The following ZNF251 variants were observed in gnomAD, a reference collection of about 807,000 sequenced individuals.
The protein encoded by ZNF251 is zinc finger protein 251.
In ZNF251, 14 loss-of-function variants were observed where a neutral mutation model predicts 13.5. That is an observed-to-expected ratio of 1.04 (90% CI 0.69 to 1.63). The LOEUF is 1.63. Ranked by LOEUF, ZNF251 falls within the 40% of genes most tolerant of loss-of-function variation. The pLI is 0.00. For synonymous variants in ZNF251, 287 were observed against 295.2 expected, an observed-to-expected ratio of 0.97 and a Z score of 0.28; for missense variants, 764 against 834.9, an observed-to-expected ratio of 0.92 and a Z score of 1.05.
Position 144,744,009 on chromosome 8 carries a change from CTTTTT to C in ZNF251, c.277+9669_277+9673del, listed in dbSNP as rs1168495446. ...GGACTGTTTCTCATTCTCTCGTTGT[CTTTTT>C]TTTTTTTTTTTTTTTTGGAGATGGA... is the stretch of plus-strand genomic sequence containing the variant. On this transcript the variant is annotated intron_variant, in intron 4 of 4. Transcript: ENST00000292562. Among the ~76,000 whole-genome samples, 9 of 88,826 alleles carry C rather than the reference CTTTTT, an allele frequency of 1.0e-4. No homozygotes were observed. In the South Asian group the frequency reaches 1.1e-3, roughly 11 times the overall value. The allele number at this position is 88,826 out of a possible 152,430, so 58.3% of individuals were successfully genotyped here. A position where few individuals can be genotyped will look rare whatever the true frequency, so the allele number is the denominator to read the frequency against.
At position 144,754,250 on chromosome 8, in the gene ZNF251, C is replaced by A; in HGVS notation, c.105G>T (p.Gln35His). Residue 35 changes from glutamine to histidine, a missense_variant, in exon 3 of 5, where the codon CAG (glutamine) becomes CAT (histidine). Transcript: ENST00000292562. ...TCACATCCCGGTAGAGCGCCCGCTG[C>A]TGGGGGCCCAGCTGCCGCCCCTCCG... ...SQAEGRQLGP[Q>H]QRALYRDVML... 1 of 1,614,004 alleles carries A rather than the reference C, an allele frequency of 6.2e-7. No homozygotes were observed. The highest frequency in any genetic ancestry group is 8.5e-7 in the Non-Finnish European group (1 of 1,179,964).
At chr8:144,731,346 A>T (rs770891141) in intron 4 of ZNF251, among the ~76,000 whole-genome samples, 1 of 152,204 alleles carries the variant, frequency 6.6e-6, no homozygotes, top group African/African-American at 2.4e-5. Context: ...TCAATGGTAT[A>T]CTGTGTACCG....
chr8:144,728,390 G>T (rs2730060), intron 4 of ZNF251, among the ~76,000 whole-genome samples: 1 of 152,094 alleles, frequency 6.6e-6, no homozygotes, highest in African/African-American at 2.4e-5. Flanking sequence ...GAGGCCAGGC[G>T]CAGTAGCTCA....
chr8:144,729,819 C>A (rs978123017), intron 4 of ZNF251, among the ~76,000 whole-genome samples: 3 of 152,124 alleles, frequency 2.0e-5, no homozygotes, highest in African/African-American at 7.2e-5. Flanking sequence ...TGAGACCGCA[C>A]CTCCGCACTC....
At chr8:144,743,720 G>C (rs1431778894) in intron 4 of ZNF251, among the ~76,000 whole-genome samples, 5 of 152,144 alleles carry the variant, frequency 3.3e-5, no homozygotes, top group Admixed American at 3.3e-4. Flanking sequence ...GCCAGCACTG[G>C]GGGTTATCAG....
chr8:144,742,632 G>T (rs1227730264), intron 4 of ZNF251, among the ~76,000 whole-genome samples: 1 of 152,092 alleles, frequency 6.6e-6, no homozygotes, highest in Admixed American at 6.6e-5. Flanking sequence ...CTGCAGTACT[G>T]TACAGACTAG....
chr8:144,753,887 A>G, intron 3 of ZNF251, 91 bp from the exon 4 acceptor site: 1 of 978,320 alleles, frequency 1.0e-6, no homozygotes, highest in Non-Finnish European at 1.5e-6. Flanking sequence ...GCACGTGTGT[A>G]CGCCTGCACG....
chr8:144,751,502 A>G (rs957913813), intron 4 of ZNF251, among the ~76,000 whole-genome samples: 1 of 152,218 alleles, frequency 6.6e-6, no homozygotes, highest in African/African-American at 2.4e-5. Context: ...CTGTAAGTAA[A>G]CTGTGGAAAC....
In ZNF251 at chr8:144,754,646, T is replaced by C; in HGVS notation, c.33+50A>G. 2.5e-6 allele frequency: 4 copies of C among 1,573,738 alleles called. No homozygotes were observed. The South Asian group carries it at 4.8e-5, about 19-fold the overall frequency. On this transcript the variant is annotated intron_variant, in intron 2 of 4. Transcript: ENST00000292562. ...GCTCCAGAGGAGAGTAGCTTCTGAC[T>C]GGGATGGGGATGAAGATGAAGAGGT... is the stretch of plus-strand genomic sequence containing the variant.
At chr8:144,726,985 T>C (rs1823537496) in intron 4 of ZNF251, among the ~76,000 whole-genome samples, 1 of 152,146 alleles carries the variant, frequency 6.6e-6, no homozygotes, top group Non-Finnish European at 1.5e-5. Context: ...GCCCAGGAGT[T>C]TGACATTAGT....
intron 4 of ZNF251, among the ~76,000 whole-genome samples, chr8:144,731,693 T>A (rs2129956178): frequency 6.6e-6 from 1 of 152,192 alleles, no homozygotes; most frequent in African/African-American, 2.4e-5. Context: ...TTCAAGCAAC[T>A]CTCCTGCCTC....
chr8:144,732,929 T>C (rs765763400), intron 4 of ZNF251, among the ~76,000 whole-genome samples: 2 of 150,598 alleles, frequency 1.3e-5, no homozygotes, highest in African/African-American at 2.4e-5. Flanking sequence ...ATGTAATAAA[T>C]TGTTGATAAA....
chr8:144,732,678 GGCA>G (rs571748846), intron 4 of ZNF251, among the ~76,000 whole-genome samples: 208 of 152,182 alleles, frequency 1.4e-3, no homozygotes, highest in Non-Finnish European at 2.7e-3. Context: ...TGGGTGTGGT[GGCA>G]GGCACTTATA....
At chr8:144,751,803 T>A (rs1824705488) in intron 4 of ZNF251, among the ~76,000 whole-genome samples, 1 of 152,152 alleles carries the variant, frequency 6.6e-6, no homozygotes, top group South Asian at 2.1e-4. Flanking sequence ...CCCAATTGTA[T>A]GATATCTGCA....
rs532703715 is a variant in ZNF251 at position 144,736,947 on chromosome 8, C to T, written c.278-13565G>A. Among the ~76,000 whole-genome samples the T allele has an allele frequency of 2.6e-4, 40 of 152,038 alleles. No individual in the cohort carries two copies. The East Asian group carries it at 7.2e-3, about 27-fold the overall frequency. ...CCTCCCAAGTAGCTGGGATTACAGG[C>T]GCCCACCACCATGCCTGCTAATTTT... On this transcript the variant is annotated intron_variant, in intron 4 of 4. Coordinates refer to ENST00000292562, the MANE Select transcript of ZNF251 (RefSeq NM_138367.2).
chr8:144,741,349 T>TAC (rs568365482), intron 4 of ZNF251, among the ~76,000 whole-genome samples: 2 of 152,106 alleles, frequency 1.3e-5, no homozygotes, highest in Non-Finnish European at 2.9e-5. Flanking sequence ...TGCACAGATG[T>TAC]ACACACACAC....
intron 4 of ZNF251, among the ~76,000 whole-genome samples, chr8:144,743,133 G>A (rs1021627123): frequency 3.9e-5 from 6 of 152,030 alleles, no homozygotes; most frequent in African/African-American, 1.5e-4. Context: ...GCACCATCTG[G>A]GCTCACTGCA....
rs1345329613 is a variant in ZNF251 at position 144,721,064 on chromosome 8, T to C, written c.*580A>G. 1.3e-5 allele frequency: 2 copies of C among 153,048 alleles called. No homozygotes were observed. The highest frequency in any genetic ancestry group is 1.3e-4 in the Admixed American group (2 of 15,284). The allele number at this position is 153,048 out of a possible 1,614,324, so 9.5% of individuals were successfully genotyped here. The stretch of plus-strand genomic sequence containing the variant: ...TAAGGTCCCTCTCTCTGTTAAACTG[T>C]AGAGCTCCTTAGAACCAAAACCAAA... On this transcript the variant is annotated 3_prime_UTR_variant, in exon 5 of 5. Coordinates refer to ENST00000292562, the MANE Select transcript of ZNF251 (RefSeq NM_138367.2).
chr8:144,740,530 G>A (rs988266616), intron 4 of ZNF251, among the ~76,000 whole-genome samples: 41 of 151,874 alleles, frequency 2.7e-4, no homozygotes, highest in African/African-American at 9.9e-4. Context: ...CAGCTACTTG[G>A]GAGGCTGAGG....
Sources: allele counts gnomAD v4.1 joint callset (sites outside exome capture counted in the v4.1 genomes callset), GRCh38; gene constraint gnomAD v4.1.1; transcripts MANE v1.5; gene names NCBI Gene and HGNC (gene_info 2026-07-23, HGNC 2026-07-21).